SESTD1: variants seen among roughly 807,000 people sequenced by gnomAD.
The protein encoded by SESTD1 is SEC14 and spectrin domain containing 1.
Under a neutral mutation model 101.7 loss-of-function variants are expected in SESTD1, and 43 were observed. The observed-to-expected ratio is 0.42, with a 90% CI of 0.33 to 0.55. The LOEUF (loss-of-function observed/expected upper bound fraction) is 0.55, where lower values mean the gene tolerates loss of function less well. Among genes scored for constraint, SESTD1 ranks in the 20% least tolerant of loss-of-function variants. The pLI is 0.07. For synonymous variants in SESTD1, 283 were observed against 286.8 expected, an observed-to-expected ratio of 0.99 and a Z score of 0.13; for missense variants, 647 against 815.1, an observed-to-expected ratio of 0.79 and a Z score of 2.51.
chr2:179,259,815 T>C (rs1274533539), intron 1 of SESTD1, among the ~76,000 whole-genome samples: 2 of 152,232 alleles, frequency 1.3e-5, no homozygotes, highest in African/African-American at 4.8e-5. Flanking sequence ...ATAAGTGTTA[T>C]CTCATGTTAC....
At chr2:179,112,010 C>T (rs556483197) in intron 17 of SESTD1, among the ~76,000 whole-genome samples, 9 of 152,308 alleles carry the variant, frequency 5.9e-5, no homozygotes, top group African/African-American at 1.9e-4. Context: ...TGAGCCACCA[C>T]GCCCGGCTGA....
chr2:179,112,714 T>G lies in SESTD1; in HGVS notation c.1961+10A>C. ...AATAAAAAATAAAATTATAAGAACATGCCCCATACCCATCAGGATAAACTA... is the reference window on the plus strand; with the variant it reads ...AATAAAAAATAAAATTATAAGAACAGGCCCCATACCCATCAGGATAAACTA... On this transcript the variant is annotated intron_variant, in intron 17 of 17. Transcript: ENST00000428443. The G allele has an allele frequency of 1.9e-6, 3 of 1,591,028 alleles. No homozygotes were observed. The highest frequency in any genetic ancestry group is 2.6e-6 in the Non-Finnish European group (3 of 1,174,492).
intron 16 of SESTD1, among the ~76,000 whole-genome samples, chr2:179,113,377 G>A (rs1370927911): frequency 1.3e-5 from 2 of 152,146 alleles, no homozygotes; most frequent in South Asian, 2.1e-4. Context: ...TTTAACAACT[G>A]ATCTGCTGGC....
intron 1 of SESTD1, among the ~76,000 whole-genome samples, chr2:179,241,923 TAAA>T (rs534394486): frequency 1.4e-5 from 1 of 71,908 alleles, no homozygotes. Context: ...CATTGTCTCA[TAAA>T]AAAAAAAAAA....
chr2:179,167,923 C>T (rs574639107), intron 5 of SESTD1, among the ~76,000 whole-genome samples: 4 of 152,124 alleles, frequency 2.6e-5, no homozygotes, highest in East Asian at 1.9e-4. Flanking sequence ...CCACCATGCC[C>T]GGCTAATTTA....
At chr2:179,168,326 T>C (rs1382437963) in intron 5 of SESTD1, among the ~76,000 whole-genome samples, 1 of 152,220 alleles carries the variant, frequency 6.6e-6, no homozygotes, top group Non-Finnish European at 1.5e-5. Flanking sequence ...AAGAATACAA[T>C]GTATAATACA....
chr2:179,193,369 C>G (rs1272994852), intron 1 of SESTD1, among the ~76,000 whole-genome samples: 2 of 152,116 alleles, frequency 1.3e-5, no homozygotes, highest in African/African-American at 4.8e-5. Context: ...TCTATATTAG[C>G]CCGGCAAACA....
chr2:179,189,404 T>C lies in SESTD1; in HGVS notation c.55+2383A>G, dbSNP rs147553221. ...ATAAAAACCCTCAATAAACTATGCA[T>C]TGAAGAAATACATCTCAAAATAATA... On this transcript the variant is annotated intron_variant, in intron 2 of 17. Transcript: ENST00000428443. Among the ~76,000 whole-genome samples the C allele has an allele frequency of 1.3e-3, 202 of 152,266 alleles. 1 individual carries two copies. Among genetic ancestry groups the C allele is most frequent in the Middle Eastern group, 0.01 (3 of 294 alleles).
chr2:179,227,104 T>G (rs1165687474), intron 1 of SESTD1, among the ~76,000 whole-genome samples: 1 of 152,240 alleles, frequency 6.6e-6, no homozygotes, highest in Non-Finnish European at 1.5e-5. Flanking sequence ...GCCTTCTTTA[T>G]GCTGAGTCAA....
At chr2:179,264,436 CGGCCACCCGGCCGCG>C (rs2047529955) in intron 1 of SESTD1, 48 bp downstream of exon 1, 1 of 150,744 alleles carries the variant, frequency 6.6e-6, no homozygotes, top group African/African-American at 2.4e-5. Flanking sequence ...CGGCCCAAGC[CGGCCACCCGGCCGCG>C]GGGCCTGCGC....
At chr2:179,183,326 G>A in intron 2 of SESTD1, 138 bp from the exon 3 acceptor site, 1 of 521,248 alleles carries the variant, frequency 1.9e-6, no homozygotes. Context: ...GCTACTTATA[G>A]ATTGTAAATT....
chr2:179,114,636 A>T (rs1022742019), intron 16 of SESTD1, among the ~76,000 whole-genome samples: 1 of 152,006 alleles, frequency 6.6e-6, no homozygotes, highest in African/African-American at 2.4e-5. Flanking sequence ...CCTTATTCTT[A>T]TTTTTTTAAT....
rs528309594 is a variant in SESTD1 at position 179,115,332 on chromosome 2, T to C, written c.1648-76A>G. ...AGGATGGGGAAAGTGTGCAGGAAGA[T>C]TGTCGTTACAGTTAAGTGACACTAC... is the stretch of plus-strand genomic sequence containing the variant. On this transcript the variant is annotated intron_variant, in intron 15 of 17. Transcript: ENST00000428443. The C allele has an allele frequency of 1.1e-4, 130 of 1,174,570 alleles. 1 individual carries two copies. The highest frequency in any genetic ancestry group is 8.5e-4 in the African/African-American group (55 of 64,454). 72.8% of individuals were successfully genotyped at this position (1,174,570 alleles called of 1,614,324 possible). A position where few individuals can be genotyped will look rare whatever the true frequency, so the allele number is the denominator to read the frequency against.
chr2:179,128,674 A>G (rs1486103359), intron 10 of SESTD1, among the ~76,000 whole-genome samples: 1 of 150,440 alleles, frequency 6.6e-6, no homozygotes, highest in East Asian at 2.0e-4. Context: ...GGTTGCAGTG[A>G]GCTGAGATAG....
chr2:179,146,143 C>T (rs537453139), intron 8 of SESTD1, among the ~76,000 whole-genome samples: 18 of 151,880 alleles, frequency 1.2e-4, no homozygotes, highest in African/African-American at 3.4e-4. Flanking sequence ...GAACTATGCA[C>T]GCGAGGGATC....
At chr2:179,113,502 A>G (rs373707164) in intron 16 of SESTD1, among the ~76,000 whole-genome samples, 1 of 152,232 alleles carries the variant, frequency 6.6e-6, no homozygotes, top group African/African-American at 2.4e-5. Flanking sequence ...AAATTAAACC[A>G]CAAGAACTGC....
intron 5 of SESTD1, among the ~76,000 whole-genome samples, chr2:179,166,018 C>G (rs1165707746): frequency 1.3e-5 from 2 of 152,190 alleles, no homozygotes; most frequent in Non-Finnish European, 2.9e-5. Context: ...AGATCTGCAT[C>G]TTCAAGAAGA....
At chr2:179,215,912 C>A (rs889485497) in intron 1 of SESTD1, among the ~76,000 whole-genome samples, 1 of 135,040 alleles carries the variant, frequency 7.4e-6, no homozygotes, top group Admixed American at 7.2e-5. Flanking sequence ...TCAACAGATG[C>A]AGAAAAGGCC....
rs2044298314 is a variant in SESTD1, at chr2:179,102,733, TAA to T, written c.*7164_*7165del. ...TATGTAATAGAACAGCTGGGAGAGG[TAA>T]AAGAGTGGATAAGAGAGTCATCAGA... On this transcript the variant is annotated 3_prime_UTR_variant, in exon 18 of 18. Coordinates refer to ENST00000428443, the MANE Select transcript of SESTD1 (RefSeq NM_178123.5). 6.6e-6 allele frequency: 1 copy of T among 151,958 alleles called. No homozygotes were observed. Among genetic ancestry groups the T allele is most frequent in the Non-Finnish European group, 1.5e-5 (1 of 67,996 alleles). 9.4% of individuals were successfully genotyped at this position (151,958 alleles called of 1,614,324 possible).
Sources: gnomAD v4.1 joint callset for allele counts (sites outside exome capture counted in the v4.1 genomes callset) on GRCh38, gnomAD v4.1.1 for gene constraint, MANE v1.5 for transcripts, NCBI Gene and HGNC (gene_info 2026-07-23, HGNC 2026-07-21) for gene names.